The following WFDC11 variants were observed in gnomAD, a reference collection of about 807,000 sequenced individuals.
WFDC11 encodes protein WFDC11.
A neutral mutation model predicts 9.9 loss-of-function variants in WFDC11; 9 were observed. The observed-to-expected ratio is 0.91, with a 90% CI of 0.55 to 1.58. The LOEUF (loss-of-function observed/expected upper bound fraction) is 1.58, where lower values mean the gene tolerates loss of function less well. Among genes scored for constraint, WFDC11 ranks in the 40% most tolerant of loss-of-function variants. The pLI, the probability that WFDC11 is intolerant of heterozygous loss-of-function variation, is 0.00. For synonymous variants in WFDC11, 32 were observed against 33.3 expected (o/e 0.96, Z 0.13); for missense variants, 106 against 101.7 (o/e 1.04, Z -0.18).
intron 2 of WFDC11, among the ~76,000 whole-genome samples, chr20:45,663,923 G>T (rs897776281): frequency 1.3e-5 from 2 of 152,158 alleles, no homozygotes; most frequent in Non-Finnish European, 1.5e-5. Flanking sequence ...GGAGAGTTTT[G>T]TAGATGTCTA....
chr20:45,649,490 G>T, intron 3 of WFDC11, 91 bp from the exon 4 acceptor site: 1 of 1,492,888 alleles, frequency 6.7e-7, no homozygotes, highest in Non-Finnish European at 9.0e-7. Flanking sequence ...AGTTCCTCCT[G>T]GAATCTGGGC....
chr20:45,659,875 C>T (rs938672647), intron 2 of WFDC11, among the ~76,000 whole-genome samples: 15 of 152,118 alleles, frequency 9.9e-5, no homozygotes, highest in Middle Eastern at 3.4e-3. Flanking sequence ...TAATCCATCT[C>T]GAGTTGATTT....
At chr20:45,664,836 G>A (rs1017402737) in intron 2 of WFDC11, among the ~76,000 whole-genome samples, 4 of 152,124 alleles carry the variant, frequency 2.6e-5, no homozygotes, top group Non-Finnish European at 4.4e-5. Context: ...CCTTCTCTCT[G>A]GGTGCCCTTA....
intron 2 of WFDC11, among the ~76,000 whole-genome samples, chr20:45,655,939 C>T (rs529900462): frequency 1.3e-5 from 2 of 152,088 alleles, no homozygotes; most frequent in African/African-American, 4.8e-5. Context: ...AAAGAGGATA[C>T]AAACAAATGG....
chr20:45,660,017 G>T (rs1310043517), intron 2 of WFDC11, among the ~76,000 whole-genome samples: 1 of 152,194 alleles, frequency 6.6e-6, no homozygotes, highest in East Asian at 1.9e-4. Flanking sequence ...AAGATCAGAT[G>T]GTTGTAGATG....
At chr20:45,662,921 G>A (rs1331452294) in intron 2 of WFDC11, among the ~76,000 whole-genome samples, 1 of 152,192 alleles carries the variant, frequency 6.6e-6, no homozygotes, top group African/African-American at 2.4e-5. Flanking sequence ...GTATCAGGAT[G>A]ATGCTGGCCT....
At chr20:45,666,556 G>A (rs1246292999) in intron 2 of WFDC11, among the ~76,000 whole-genome samples, 1 of 152,028 alleles carries the variant, frequency 6.6e-6, no homozygotes, top group Admixed American at 6.5e-5. Context: ...GGCCATCTTG[G>A]AGCCGCCTCC....
At chr20:45,651,687 T>A (rs1982809556) in intron 2 of WFDC11, among the ~76,000 whole-genome samples, 1 of 151,258 alleles carries the variant, frequency 6.6e-6, no homozygotes. Context: ...CCTTTCCTAG[T>A]CAAAGAAAGG....
chr20:45,658,490 A>G (rs1982984224), intron 2 of WFDC11, among the ~76,000 whole-genome samples: 1 of 152,110 alleles, frequency 6.6e-6, no homozygotes, highest in Non-Finnish European at 1.5e-5. Flanking sequence ...GTATGTGTGT[A>G]AAGGTGTTCA....
intron 4 of WFDC11, 88 bp downstream of exon 4, chr20:45,649,169 C>T (rs1438687941): frequency 2.1e-5 from 31 of 1,503,556 alleles, no homozygotes; most frequent in Middle Eastern, 1.8e-4. Context: ...TTTGGGGTAC[C>T]TCAGTCTTCT....
intron 4 of WFDC11, 113 bp from the exon 5 acceptor site, chr20:45,648,852 T>A (rs774430535): frequency 8.7e-7 from 1 of 1,152,384 alleles, no homozygotes; most frequent in Non-Finnish European, 1.3e-6. Flanking sequence ...AAGAATACTT[T>A]AACGTAACAA....
At chr20:45,662,841 T>C (rs1205719302) in intron 2 of WFDC11, among the ~76,000 whole-genome samples, 1 of 152,224 alleles carries the variant, frequency 6.6e-6, no homozygotes, top group Non-Finnish European at 1.5e-5. Flanking sequence ...ATTGAGGATT[T>C]TTGCAGCAAT....
chr20:45,664,243 C>G (rs1000212113), intron 2 of WFDC11, among the ~76,000 whole-genome samples: 3 of 151,452 alleles, frequency 2.0e-5, no homozygotes, highest in Admixed American at 2.0e-4. Context: ...GAATTGTGAC[C>G]CCTGCTTTTT....
At chr20:45,658,532 T>C (rs1182804376) in intron 2 of WFDC11, among the ~76,000 whole-genome samples, 1 of 152,290 alleles carries the variant, frequency 6.6e-6, no homozygotes, top group East Asian at 1.9e-4. Context: ...TGTATATCTG[T>C]GGTGTCAGTT....
chr20:45,658,789 G>A (rs1982989792), intron 2 of WFDC11, among the ~76,000 whole-genome samples: 1 of 151,890 alleles, frequency 6.6e-6, no homozygotes, highest in Non-Finnish European at 1.5e-5. Context: ...TGTTATATAG[G>A]TATACACGTG....
intron 2 of WFDC11, among the ~76,000 whole-genome samples, chr20:45,665,092 T>G (rs1360531389): frequency 6.6e-6 from 1 of 152,224 alleles, no homozygotes; most frequent in African/African-American, 2.4e-5. Flanking sequence ...AGTCCCGTAT[T>G]TCTTGGAGGC....
intron 2 of WFDC11, among the ~76,000 whole-genome samples, chr20:45,658,923 G>T (rs1405241995): frequency 6.8e-6 from 1 of 146,532 alleles, no homozygotes; most frequent in Non-Finnish European, 1.5e-5. Flanking sequence ...CCGTCCATGT[G>T]TTCTCATTGT....
At chr20:45,656,021 T>C (rs879433973) in intron 2 of WFDC11, among the ~76,000 whole-genome samples, 1 of 152,118 alleles carries the variant, frequency 6.6e-6, no homozygotes, top group Non-Finnish European at 1.5e-5. Context: ...AGGTAAATTA[T>C]AGATTCAATG....
chr20:45,651,592 A>T (rs182921489), intron 2 of WFDC11, among the ~76,000 whole-genome samples: 6 of 152,266 alleles, frequency 3.9e-5, no homozygotes, highest in African/African-American at 1.4e-4. Flanking sequence ...GGGGAGTGTC[A>T]GAAAGTGGGT....
Sources: allele counts gnomAD v4.1 joint callset (sites outside exome capture counted in the v4.1 genomes callset), GRCh38; gene constraint gnomAD v4.1.1; transcripts MANE v1.5; gene names NCBI Gene and HGNC (gene_info 2026-07-23, HGNC 2026-07-21).